The following NDST4 variants were observed in gnomAD, a reference collection of about 807,000 sequenced individuals.
NDST4 encodes the protein N-deacetylase and N-sulfotransferase 4.
NDST4 carries 63 observed loss-of-function variants against 100.8 expected under a neutral mutation model. That is an observed-to-expected ratio of 0.62 (90% CI 0.51 to 0.77). The LOEUF (loss-of-function observed/expected upper bound fraction) is 0.77. Among genes scored for constraint, NDST4 ranks in the 30% least tolerant of loss-of-function variants. NDST4 has a pLI of 0.00. For missense variants in NDST4, 943 were observed against 1,018.4 expected, an observed-to-expected ratio of 0.93 and a Z score of 1.01; for synonymous variants, 377 against 361.8, an observed-to-expected ratio of 1.04 and a Z score of -0.48.
At chr4:114,911,981 C>G (rs1489767746) in intron 6 of NDST4, among the ~76,000 whole-genome samples, 1 of 152,092 alleles carries the variant, frequency 6.6e-6, no homozygotes, top group Non-Finnish European at 1.5e-5. Flanking sequence ...TAGGTGCAGA[C>G]AGATGTAGTC....
chr4:115,035,964 C>T (rs1374184139), intron 2 of NDST4, among the ~76,000 whole-genome samples: 1 of 151,904 alleles, frequency 6.6e-6, no homozygotes, highest in African/African-American at 2.4e-5. Context: ...TTGAATTTAT[C>T]TTTTATCACT....
chr4:115,108,884 A>T (rs562266382), intron 1 of NDST4, among the ~76,000 whole-genome samples: 2 of 152,010 alleles, frequency 1.3e-5, no homozygotes, highest in Non-Finnish European at 2.9e-5. Flanking sequence ...AAGATGAGTG[A>T]TTTGCTTTCC....
intron 6 of NDST4, among the ~76,000 whole-genome samples, chr4:114,900,654 G>A (rs1259606044): frequency 1.3e-5 from 2 of 152,064 alleles, no homozygotes; most frequent in Non-Finnish European, 2.9e-5. Flanking sequence ...TAGCTTAGGT[G>A]TTTAGTAGGC....
intron 1 of NDST4, among the ~76,000 whole-genome samples, chr4:115,106,380 A>AT (rs1185668935): frequency 1.3e-5 from 2 of 151,994 alleles, no homozygotes; most frequent in African/African-American, 4.8e-5. Context: ...AATTGGAGAA[A>AT]TTTTTTAAAA....
intron 1 of NDST4, among the ~76,000 whole-genome samples, chr4:115,111,143 C>A (rs958893493): frequency 6.6e-6 from 1 of 151,902 alleles, no homozygotes; most frequent in Admixed American, 6.6e-5. Context: ...CCTTTCAACT[C>A]AAACAGAAAG....
rs1458161713 is a variant in NDST4 at position 115,104,364 on chromosome 4, T to C, written c.-247+9080A>G. On this transcript the variant is annotated intron_variant, in intron 1 of 13. Transcript: ENST00000264363. ...GCCAGGAAGGTTTCTTGTGTTTACA[T>C]TGTGTCACTATAAGGGGTGTGGATA... 3.9e-5 allele frequency among the ~76,000 whole-genome samples: 6 copies of C among 152,232 alleles called. No homozygotes were observed. In the South Asian group the frequency reaches 1.2e-3, roughly 32 times the overall value.
At chr4:115,013,688 G>A (rs1425127564) in intron 2 of NDST4, among the ~76,000 whole-genome samples, 1 of 151,744 alleles carries the variant, frequency 6.6e-6, no homozygotes, top group Non-Finnish European at 1.5e-5. Flanking sequence ...AACTCATCCT[G>A]TGTTTATTTC....
At chr4:115,105,825 A>G (rs542172983) in intron 1 of NDST4, among the ~76,000 whole-genome samples, 1 of 152,218 alleles carries the variant, frequency 6.6e-6, no homozygotes, top group African/African-American at 2.4e-5. Context: ...CACATAACAT[A>G]AAACAAATTC....
At chr4:114,896,637 A>G (rs1446215466) in intron 6 of NDST4, among the ~76,000 whole-genome samples, 2 of 152,026 alleles carry the variant, frequency 1.3e-5, no homozygotes, top group African/African-American at 2.4e-5. Context: ...AAAAAAAAAA[A>G]AAATTTGCTT....
At chr4:114,966,812 T>A (rs1474777271) in intron 4 of NDST4, among the ~76,000 whole-genome samples, 6 of 152,126 alleles carry the variant, frequency 3.9e-5, no homozygotes, top group African/African-American at 1.4e-4. Context: ...ATTTTAAAAC[T>A]GAAATTGATC....
chr4:114,840,903 C>A (rs1051986502), intron 10 of NDST4, among the ~76,000 whole-genome samples: 4 of 152,130 alleles, frequency 2.6e-5, no homozygotes, highest in Non-Finnish European at 4.4e-5. Context: ...AAGTGGCATA[C>A]ACTTTTGAAG....
chr4:115,000,760 A>T (rs1316430593), intron 2 of NDST4, among the ~76,000 whole-genome samples: 1 of 152,068 alleles, frequency 6.6e-6, no homozygotes, highest in Non-Finnish European at 1.5e-5. Flanking sequence ...TTCCATTATG[A>T]TCTTTGATTG....
intron 1 of NDST4, among the ~76,000 whole-genome samples, chr4:115,094,237 G>C (rs118126230): frequency 6.6e-6 from 1 of 151,994 alleles, no homozygotes; most frequent in Non-Finnish European, 1.5e-5. Context: ...GCCTCAAAAT[G>C]AATAAAGCAA....
At position 114,951,699 on chromosome 4, in the gene NDST4, T is replaced by A. The variant is rs546446624; in HGVS notation, c.1222-14196A>T. Among the ~76,000 whole-genome samples, 66 of 152,192 alleles carry A rather than the reference T, an allele frequency of 4.3e-4. No individual in the cohort carries two copies. The South Asian group carries it at 6.0e-3, about 14-fold the overall frequency. On this transcript the variant is annotated intron_variant, in intron 4 of 13. Coordinates refer to ENST00000264363, the MANE Select transcript of NDST4 (RefSeq NM_022569.3). ...AATTTTAAGTAATTTGCCAAGGTCA[T>A]CCATATAATAATCGTCAAAGACAGA...
intron 10 of NDST4, among the ~76,000 whole-genome samples, chr4:114,840,929 ATATT>A (rs1182517920): frequency 3.3e-5 from 5 of 152,146 alleles, no homozygotes; most frequent in Non-Finnish European, 2.9e-5. Context: ...TTGTTGTTGT[ATATT>A]TATTGATATT....
chr4:115,079,599 T>C (rs1729260129), intron 1 of NDST4, among the ~76,000 whole-genome samples: 1 of 152,136 alleles, frequency 6.6e-6, no homozygotes, highest in African/African-American at 2.4e-5. Flanking sequence ...GTTATCAATG[T>C]GTGATATATA....
intron 6 of NDST4, among the ~76,000 whole-genome samples, chr4:114,897,911 G>A (rs148685722): frequency 2.0e-5 from 3 of 152,260 alleles, no homozygotes; most frequent in Non-Finnish European, 4.4e-5. Context: ...AAATCTGGTT[G>A]TTTCTTTATT....
At chr4:114,867,746 C>T (rs1724065638) in intron 7 of NDST4, among the ~76,000 whole-genome samples, 1 of 139,468 alleles carries the variant, frequency 7.2e-6, no homozygotes, top group African/African-American at 2.8e-5. Flanking sequence ...TAATAAAGGA[C>T]ATGAATTAAT....
chr4:114,900,320 A>C (rs1228415070), intron 6 of NDST4, among the ~76,000 whole-genome samples: 1 of 151,866 alleles, frequency 6.6e-6, no homozygotes, highest in Non-Finnish European at 1.5e-5. Flanking sequence ...TCGGTTTACA[A>C]TTTCATTGAT....
Sources: gnomAD v4.1 joint callset for allele counts (sites outside exome capture counted in the v4.1 genomes callset) on GRCh38, gnomAD v4.1.1 for gene constraint, MANE v1.5 for transcripts, NCBI Gene and HGNC (gene_info 2026-07-23, HGNC 2026-07-21) for gene names.